The following CACNA1C variants were observed in gnomAD, a reference collection of about 807,000 sequenced individuals.
The protein encoded by CACNA1C is voltage-dependent L-type calcium channel subunit alpha-1C.
Under a neutral mutation model 229.0 loss-of-function variants are expected in CACNA1C, and 30 were observed. That is an observed-to-expected ratio of 0.13 (90% CI 0.10 to 0.18). The LOEUF is 0.18. Ranked by LOEUF, CACNA1C falls within the 10% of genes least tolerant of loss-of-function variation. CACNA1C has a pLI of 1.00. For missense variants in CACNA1C, 1,658 were observed against 2,845.0 expected (o/e 0.58, Z 9.49); for synonymous variants, 1,114 against 1,132.5 (o/e 0.98, Z 0.33).
At chr12:2,190,582 A>G (rs1006987778) in intron 3 of CACNA1C, among the ~76,000 whole-genome samples, 5 of 152,222 alleles carry the variant, frequency 3.3e-5, no homozygotes, top group Admixed American at 3.3e-4. Context: ...AGAAATGAGT[A>G]TAATACAGTT....
intron 1 of CACNA1C, among the ~76,000 whole-genome samples, chr12:2,014,270 G>A (rs753181108): frequency 3.6e-4 from 39 of 108,168 alleles, no homozygotes; most frequent in Non-Finnish European, 5.8e-4. Flanking sequence ...AGAAAAATAG[G>A]CATCTTTTTT....
chr12:2,690,249 GGA>G (rs1011873649), intron 46 of CACNA1C: 4 of 152,724 alleles, frequency 2.6e-5, no homozygotes, highest in African/African-American at 9.6e-5. Flanking sequence ...GTGTCAGAAA[GGA>G]GAGAGGCAGG....
intron 3 of CACNA1C, among the ~76,000 whole-genome samples, chr12:2,272,382 C>G (rs1305637481): frequency 6.6e-6 from 1 of 152,184 alleles, no homozygotes; most frequent in Non-Finnish European, 1.5e-5. Flanking sequence ...GATCACCATC[C>G]TCTGCCTCCT....
At chr12:2,624,145 A>G (rs1426660677) in intron 29 of CACNA1C, among the ~76,000 whole-genome samples, 1 of 152,136 alleles carries the variant, frequency 6.6e-6, no homozygotes, top group Non-Finnish European at 1.5e-5. Flanking sequence ...GTTTTGTGTC[A>G]TTGGTTTTTT....
Position 2,115,551 on chromosome 12 carries a change from C to CT in CACNA1C, c.371+9dup. ...ATCAGCATTGTCGAATGGAAATATCCTTTGTTCACCGGGCTGGGCATGCTC... is the reference window on the plus strand; with the variant it reads ...ATCAGCATTGTCGAATGGAAATATCCTTTTGTTCACCGGGCTGGGCATGCTC... On this transcript the variant is annotated splice_region_variant and intron_variant, in intron 2 of 46. Coordinates refer to ENST00000399655, the MANE Select transcript of CACNA1C (RefSeq NM_000719.7). 6.2e-7 allele frequency: 1 copy of CT among 1,612,666 alleles called. No homozygotes were observed. Among genetic ancestry groups the CT allele is most frequent in the Non-Finnish European group, 8.5e-7 (1 of 1,179,552 alleles).
intron 3 of CACNA1C, among the ~76,000 whole-genome samples, chr12:2,189,883 G>T (rs995247998): frequency 6.6e-6 from 1 of 152,146 alleles, no homozygotes; most frequent in Non-Finnish European, 1.5e-5. Context: ...GATCACTGAC[G>T]CAAGAGAACA....
At chr12:2,274,991 G>A (rs992880082) in intron 3 of CACNA1C, among the ~76,000 whole-genome samples, 1 of 152,194 alleles carries the variant, frequency 6.6e-6, no homozygotes, top group Non-Finnish European at 1.5e-5. Flanking sequence ...AAACCTTCAG[G>A]CACACAGGCC....
chr12:2,138,488 G>A (rs555325929), intron 3 of CACNA1C, among the ~76,000 whole-genome samples: 3 of 151,294 alleles, frequency 2.0e-5, no homozygotes, highest in Admixed American at 6.6e-5. Context: ...TGATAGGGAC[G>A]GGCCTTGTGG....
chr12:2,604,221 G>A (rs938364292), intron 22 of CACNA1C, among the ~76,000 whole-genome samples: 1 of 152,212 alleles, frequency 6.6e-6, no homozygotes, highest in Admixed American at 6.5e-5. Flanking sequence ...CCATCTTGGG[G>A]AAGAGGGATT....
At chr12:2,652,958 G>A (rs938806321) in intron 32 of CACNA1C, among the ~76,000 whole-genome samples, 19 of 152,234 alleles carry the variant, frequency 1.2e-4, no homozygotes, top group African/African-American at 1.9e-4. Context: ...GCCTGATGGC[G>A]GCGCAGGCGT....
At chr12:2,469,003 AGTTTT>A (rs953262770) in intron 5 of CACNA1C, among the ~76,000 whole-genome samples, 12 of 152,032 alleles carry the variant, frequency 7.9e-5, no homozygotes, top group Non-Finnish European at 1.2e-4. Flanking sequence ...TAGTTAGTTT[AGTTTT>A]GTTTTGTTTT....
At chr12:2,248,458 G>C (rs1035557403) in intron 3 of CACNA1C, among the ~76,000 whole-genome samples, 2 of 152,202 alleles carry the variant, frequency 1.3e-5, no homozygotes, top group Admixed American at 1.3e-4. Flanking sequence ...AGTATTTTTA[G>C]TTAGCAGCCT....
At chr12:2,048,113 G>A (rs1048225716), upstream of CACNA1C, among the ~76,000 whole-genome samples, 13 of 152,204 alleles carry the variant, frequency 8.5e-5, no homozygotes, top group African/African-American at 2.4e-4. Flanking sequence ...GACAATGAGC[G>A]CATGCTGCTG....
chr12:2,647,634 G>C lies in CACNA1C; in HGVS notation c.3913-841G>C, dbSNP rs1008069064. Among the ~76,000 whole-genome samples the C allele has an allele frequency of 1.3e-5, 2 of 152,150 alleles. No homozygotes were observed. The highest frequency in any genetic ancestry group is 4.8e-5 in the African/African-American group (2 of 41,420). On this transcript the variant is annotated intron_variant, in intron 30 of 46. Coordinates refer to ENST00000399655, the MANE Select transcript of CACNA1C (RefSeq NM_000719.7). The surrounding 1 kb of genome is among the most constrained non-coding windows in gnomAD (Gnocchi z 4.2). ...GGAGTGGGTTGAGGCCACCTCTGGA[G>C]GCCCTCCTCAGTGTTGACTTGAAGT...
chr12:2,581,792 T>G lies in CACNA1C; in HGVS notation c.2098T>G (p.Phe700Val), dbSNP rs751429992. Residue 700 changes from phenylalanine (F) to valine (V), a missense_variant, in exon 14 of 47, where the codon TTT (phenylalanine) becomes GTT (valine). This residue lies in a region of CACNA1C where 30 missense variants were observed against 73.2 expected (regional missense o/e 0.41). Coordinates refer to ENST00000399655, the MANE Select transcript of CACNA1C (RefSeq NM_000719.7). ...CTTCCCCCAGTCCCTCCTCACTGTG[T>G]TTCAGGTATGGACTCTTCTCTGCTG... is the stretch of plus-strand genomic sequence containing the variant. ...DNFPQSLLTV[F>V]QILTGEDWNS... 1 of 1,591,766 alleles carries G rather than the reference T, an allele frequency of 6.3e-7. No homozygotes were observed. Among genetic ancestry groups the G allele is most frequent in the Non-Finnish European group, 8.6e-7 (1 of 1,160,368 alleles).
At position 2,665,777 on chromosome 12, in the gene CACNA1C, G is replaced by A; in HGVS notation, c.4526+69G>A. ...GGTATAGCTGACCATACCTGCAGGA[G>A]GGGCTCAAGGTTGGCCAACACTGGG... On this transcript the variant is annotated intron_variant, in intron 36 of 46. Transcript: ENST00000399655. This position sits in a 1 kb window ranked among gnomAD's most constrained non-coding sequence, Gnocchi z 5.9. 2.7e-6 allele frequency: 4 copies of A among 1,503,532 alleles called. No individual in the cohort carries two copies. The highest frequency in any genetic ancestry group is 3.6e-6 in the Non-Finnish European group (4 of 1,111,772). 93.1% of individuals were successfully genotyped at this position (1,503,532 alleles called of 1,614,324 possible). A position where few individuals can be genotyped will look rare whatever the true frequency, so the allele number is the denominator to read the frequency against.
intron 3 of CACNA1C, among the ~76,000 whole-genome samples, chr12:2,302,032 C>A (rs16929233): frequency 0.058 from 8,818 of 152,244 alleles, 321 homozygotes; most frequent in African/African-American, 0.096. Flanking sequence ...TATTAGGAAA[C>A]AATTTGTAAA....
In CACNA1C at chr12:2,469,082, G is replaced by T. The variant is rs115216788; in HGVS notation, c.757+11376G>T. Among the ~76,000 whole-genome samples, 1,117 of 152,262 alleles carry T rather than the reference G, an allele frequency of 7.3e-3. 19 individuals are homozygous for T. Among genetic ancestry groups the T allele is most frequent in the African/African-American group, 0.025 (1,037 of 41,550 alleles). On this transcript the variant is annotated intron_variant, in intron 5 of 46. Coordinates refer to ENST00000399655, the MANE Select transcript of CACNA1C (RefSeq NM_000719.7). ...CAAGGTTGTTGCCATTTCTGTTGGG[G>T]GTACCCCAGTAGACTATGTGGTGTA...
At chr12:2,546,291 G>A (rs1350182556) in intron 9 of CACNA1C, among the ~76,000 whole-genome samples, 1 of 150,928 alleles carries the variant, frequency 6.6e-6, no homozygotes, top group Admixed American at 6.6e-5. Flanking sequence ...ACACTATTCT[G>A]TGTAGTAGCT....
Sources: gnomAD v4.1 joint callset for allele counts (sites outside exome capture counted in the v4.1 genomes callset) on GRCh38, gnomAD v4.1.1 for gene constraint, gnomAD v4.1.1 regional missense constraint, Gnocchi (gnomAD v3.1) non-coding constraint, MANE v1.5 for transcripts, NCBI Gene and HGNC (gene_info 2026-07-23, HGNC 2026-07-21) for gene names.